KNTC1: variants seen among roughly 807,000 people sequenced by gnomAD.
KNTC1 encodes the protein kinetochore associated 1.
A neutral mutation model predicts 314.4 loss-of-function variants in KNTC1; 253 were observed. The observed-to-expected ratio is 0.80, with a 90% CI of 0.73 to 0.89. The LOEUF (loss-of-function observed/expected upper bound fraction) is 0.89, where lower values mean the gene tolerates loss of function less well. Among genes scored for constraint, KNTC1 ranks in the 40% least tolerant of loss-of-function variants. The probability of loss-of-function intolerance (pLI) is 0.00; values close to 1 mark genes in which losing one functional copy is unlikely to be tolerated. For missense variants in KNTC1, 2,475 were observed against 2,572.9 expected (o/e 0.96, Z 0.82); for synonymous variants, 901 against 901.4 (o/e 1.00, Z 0.01).
rs1206520468 is a variant in KNTC1 at position 122,605,267 on chromosome 12, A to C, written c.5387-39A>C. 2.2e-6 allele frequency: 3 copies of C among 1,351,864 alleles called. No homozygotes were observed. In the South Asian group the frequency reaches 3.9e-5, roughly 18 times the overall value. The allele number at this position is 1,351,864 out of a possible 1,614,324, so 83.7% of individuals were successfully genotyped here. ...TATAAGTATTCAATATAAATATTTA[A>C]AACTTGAGTTTTTCTTTTCTTTATT... On this transcript the variant is annotated intron_variant, in intron 50 of 63. Coordinates refer to ENST00000333479, the MANE Select transcript of KNTC1 (RefSeq NM_014708.6).
intron 42 of KNTC1, among the ~76,000 whole-genome samples, chr12:122,591,844 A>G (rs1593630633): frequency 6.6e-6 from 1 of 152,234 alleles, no homozygotes; most frequent in Non-Finnish European, 1.5e-5. Context: ...ACTCCTAGTG[A>G]GAGGTGACAG....
At chr12:122,534,606 G>C (rs899483481) in intron 2 of KNTC1, 58 bp from the exon 3 acceptor site, 8 of 1,487,996 alleles carry the variant, frequency 5.4e-6, no homozygotes, top group Non-Finnish European at 6.4e-6. Context: ...CTATTGATAA[G>C]TATTATTAAA....
intron 44 of KNTC1, among the ~76,000 whole-genome samples, 176 bp from the exon 45 acceptor site, chr12:122,601,360 C>T (rs1382331090): frequency 6.6e-6 from 1 of 152,194 alleles, no homozygotes; most frequent in Non-Finnish European, 1.5e-5. Flanking sequence ...GCTAGGATTA[C>T]AGGCGTGAGC....
At chr12:122,604,728 A>G (rs778310721) in intron 49 of KNTC1, 91 bp downstream of exon 49, 178 of 1,248,144 alleles carry the variant, frequency 1.4e-4, no homozygotes, top group Non-Finnish European at 1.9e-4. Flanking sequence ...CTGGTGCCTA[A>G]AATGGAGAAG....
chr12:122,590,538 C>G, intron 40 of KNTC1, 69 bp from the exon 41 acceptor site: 1 of 1,418,686 alleles, frequency 7.0e-7, no homozygotes, highest in South Asian at 1.5e-5. Flanking sequence ...TATTTCTGCC[C>G]TTTGTGAACA....
rs370146333 is a variant in KNTC1 at position 122,554,076 on chromosome 12, A to AAAATATATATATATAT, written c.1272+2381_1272+2382insAATATATATATATATA. 1.4e-4 allele frequency among the ~76,000 whole-genome samples: 15 copies of AAAATATATATATATAT among 109,046 alleles called. No individual in the cohort carries two copies. In the South Asian group the frequency reaches 2.9e-3, roughly 21 times the overall value. 71.5% of individuals were successfully genotyped at this position (109,046 alleles called of 152,430 possible). On this transcript the variant is annotated intron_variant, in intron 16 of 63. Coordinates refer to ENST00000333479, the MANE Select transcript of KNTC1 (RefSeq NM_014708.6). Reference sequence around the variant, plus strand: ...CAGAATACTTCCTTAAAAAAAAAAAAATATATATATATATATATATATATT... The same window carrying AAAATATATATATATAT: ...CAGAATACTTCCTTAAAAAAAAAAAAAAATATATATATATATATATATATATATATATATATATATT...
In KNTC1 at chr12:122,590,706, A is replaced by G. The variant is rs1870073051; in HGVS notation, c.4099A>G (p.Lys1367Glu). ...TGAAAATCTCTGGAAGCTCATAGAT[A>G]AAGCATGGCAGAATTACGACAAAAT... ...VFENLWKLIDKAWQNYDKILA... is the reference protein window; with the variant it reads ...VFENLWKLIDEAWQNYDKILA... The change falls in exon 41 of 64, where the codon AAA (lysine) becomes GAA (glutamate). Residue 1367 changes from lysine to glutamate, a missense_variant. Transcript: ENST00000333479. The G allele has an allele frequency of 6.2e-7, 1 of 1,613,254 alleles. No individual in the cohort carries two copies.
At chr12:122,530,305 T>C (rs1593465268) in intron 2 of KNTC1, 113 bp downstream of exon 2, 2 of 881,636 alleles carry the variant, frequency 2.3e-6, no homozygotes, top group East Asian at 5.2e-5. Context: ...CCTCAGGGAA[T>C]CAAGATTCAA....
At chr12:122,574,192 G>A (rs1054164033) in intron 26 of KNTC1, 90 bp from the exon 27 acceptor site, 4 of 683,042 alleles carry the variant, frequency 5.9e-6, no homozygotes, top group Admixed American at 3.0e-5. Flanking sequence ...ATCTATCAAG[G>A]CCATATAATA....
chr12:122,582,677 G>A, intron 33 of KNTC1, 28 bp from the exon 34 acceptor site: 1 of 1,546,520 alleles, frequency 6.5e-7, no homozygotes, highest in African/African-American at 1.4e-5. Context: ...ACAGACTTGG[G>A]ACTTTGTCTT....
At chr12:122,555,435 C>T (rs974435206) in intron 16 of KNTC1, among the ~76,000 whole-genome samples, 2 of 152,120 alleles carry the variant, frequency 1.3e-5, no homozygotes, top group African/African-American at 4.8e-5. Context: ...GCCTGTTGTC[C>T]CAGTTACTCG....
chr12:122,529,204 C>T (rs150999724), intron 1 of KNTC1, among the ~76,000 whole-genome samples: 1 of 152,164 alleles, frequency 6.6e-6, no homozygotes, highest in African/African-American at 2.4e-5. Flanking sequence ...TAAGTGATCA[C>T]CCAAGGACAG....
chr12:122,574,224 CA>C (rs1565973168), intron 26 of KNTC1, 57 bp from the exon 27 acceptor site: 1 of 974,808 alleles, frequency 1.0e-6, no homozygotes, highest in Non-Finnish European at 1.6e-6. Context: ...CTGTATGTGG[CA>C]TTTTTTTAAT....
chr12:122,585,950 T>C (rs1869225765), intron 37 of KNTC1, among the ~76,000 whole-genome samples, 176 bp downstream of exon 37: 1 of 152,244 alleles, frequency 6.6e-6, no homozygotes, highest in Non-Finnish European at 1.5e-5. Flanking sequence ...TTATGTAAAG[T>C]ACAAACACAG....
At chr12:122,570,996 T>G (rs1465344439) in intron 23 of KNTC1, 29 bp from the exon 24 acceptor site, 1 of 1,606,058 alleles carries the variant, frequency 6.2e-7, no homozygotes, top group Admixed American at 1.7e-5. Flanking sequence ...TAAAACATTG[T>G]TTTGAACTGT....
chr12:122,626,083 G>A, intron 63 of KNTC1, 122 bp from the exon 64 acceptor site: 1 of 710,610 alleles, frequency 1.4e-6, no homozygotes, highest in Non-Finnish European at 2.5e-6. Context: ...AATCTAAAAT[G>A]CCAAATAGTT....
chr12:122,585,897 C>T, intron 37 of KNTC1, 123 bp downstream of exon 37: 1 of 828,260 alleles, frequency 1.2e-6, no homozygotes, highest in Non-Finnish European at 1.9e-6. Flanking sequence ...TAATGTGGAG[C>T]TAAAGAAGCA....
At chr12:122,585,515 C>T (rs1361965785) in intron 36 of KNTC1, 121 bp from the exon 37 acceptor site, 16 of 1,113,364 alleles carry the variant, frequency 1.4e-5, no homozygotes, top group Middle Eastern at 2.0e-4. Flanking sequence ...AGGCCTCCCT[C>T]GACATTGTCC....
In KNTC1 at chr12:122,615,006, A is replaced by G. The variant is rs1202718952; in HGVS notation, c.5893A>G (p.Thr1965Ala). 6.2e-7 allele frequency: 1 copy of G among 1,613,082 alleles called. No homozygotes were observed. The highest frequency in any genetic ancestry group is 2.2e-5 in the East Asian group (1 of 44,868). ...SHESMAVRLV[T>A]ELCLEYKIYD... ...TTGGCTTCAGGCAGTAAGATTGGTGACTGAGCTGTGTTTAGAATACAAAAT... is the reference window on the plus strand; with the variant it reads ...TTGGCTTCAGGCAGTAAGATTGGTGGCTGAGCTGTGTTTAGAATACAAAAT... The change falls in exon 56 of 64, where the codon ACT (threonine) becomes GCT (alanine). Residue 1965 changes from threonine to alanine, a missense_variant. Coordinates refer to ENST00000333479, the MANE Select transcript of KNTC1 (RefSeq NM_014708.6).
Sources: allele counts gnomAD v4.1 joint callset (sites outside exome capture counted in the v4.1 genomes callset), GRCh38; gene constraint gnomAD v4.1.1; transcripts MANE v1.5; gene names NCBI Gene and HGNC (gene_info 2026-07-23, HGNC 2026-07-21).